PAIP2B: variants seen among roughly 807,000 people sequenced by gnomAD.
PAIP2B encodes the protein poly(A) binding protein interacting protein 2B, also known as polyadenylate-binding protein-interacting protein 2B.
In PAIP2B, 13 loss-of-function variants were observed where a neutral mutation model predicts 17.0. That is an observed-to-expected ratio of 0.76 (90% CI 0.50 to 1.22). The LOEUF is 1.22. Among genes scored for constraint, PAIP2B ranks in the 50% most tolerant of loss-of-function variants. The pLI is 0.00. For synonymous variants in PAIP2B, 43 were observed against 48.7 expected, an observed-to-expected ratio of 0.88 and a Z score of 0.48; for missense variants, 117 against 144.5, an observed-to-expected ratio of 0.81 and a Z score of 0.98.
intron 1 of PAIP2B, among the ~76,000 whole-genome samples, chr2:71,218,211 T>G (rs1336501390): frequency 6.6e-6 from 1 of 152,120 alleles, no homozygotes; most frequent in Non-Finnish European, 1.5e-5. Context: ...ACAAATTACT[T>G]ACTGGGAGAC....
chr2:71,205,787 A>G (rs2103792804), intron 1 of PAIP2B, among the ~76,000 whole-genome samples: 1 of 152,352 alleles, frequency 6.6e-6, no homozygotes, highest in Admixed American at 6.5e-5. Flanking sequence ...AGGACAAAGA[A>G]AATATGCCCA....
intron 1 of PAIP2B, among the ~76,000 whole-genome samples, chr2:71,211,345 C>A (rs1413542342): frequency 6.6e-6 from 1 of 152,042 alleles, no homozygotes; most frequent in Admixed American, 6.5e-5. Context: ...TATAGAATCA[C>A]CTGGAAGTTT....
At chr2:71,215,092 T>G (rs964212336) in intron 1 of PAIP2B, among the ~76,000 whole-genome samples, 5 of 152,142 alleles carry the variant, frequency 3.3e-5, no homozygotes, top group Non-Finnish European at 5.9e-5. Context: ...ATGAATTTAA[T>G]GTTACAAAAA....
chr2:71,193,118 T>C (rs147978604), intron 2 of PAIP2B, among the ~76,000 whole-genome samples: 146 of 152,328 alleles, frequency 9.6e-4, no homozygotes, highest in Admixed American at 1.5e-3. Flanking sequence ...TTTTTTACTT[T>C]TTAGTCATAG....
At chr2:71,214,591 T>C (rs1675381204) in intron 1 of PAIP2B, among the ~76,000 whole-genome samples, 2 of 152,354 alleles carry the variant, frequency 1.3e-5, no homozygotes, top group African/African-American at 2.4e-5. Context: ...ATTTTTCATA[T>C]GTTTTATGTC....
chr2:71,212,488 C>G (rs942238693), intron 1 of PAIP2B, among the ~76,000 whole-genome samples: 1 of 152,190 alleles, frequency 6.6e-6, no homozygotes, highest in African/African-American at 2.4e-5. Context: ...GCAGGAAGCC[C>G]ATGCCCTTAG....
Position 71,184,788 on chromosome 2 carries a change from A to G in PAIP2B, c.*3691T>C, listed in dbSNP as rs551182890. On this transcript the variant is annotated 3_prime_UTR_variant, in exon 4 of 4. Coordinates refer to ENST00000244221, the MANE Select transcript of PAIP2B (RefSeq NM_020459.1). ...CCTGTTCTCCCCACCCACTTCGCAA[A>G]CTAATGACGTCCGCGTTATCCCAGA... is the stretch of plus-strand genomic sequence containing the variant. 55 of 152,264 alleles carry G rather than the reference A, an allele frequency of 3.6e-4. No homozygotes were observed. Among genetic ancestry groups the G allele is most frequent in the African/African-American group, 1.3e-3 (55 of 41,540 alleles). 9.4% of individuals were successfully genotyped at this position (152,264 alleles called of 1,614,324 possible).
At chr2:71,191,354 A>T (rs1420376480) in intron 2 of PAIP2B, among the ~76,000 whole-genome samples, 1 of 151,114 alleles carries the variant, frequency 6.6e-6, no homozygotes, top group African/African-American at 2.4e-5. Flanking sequence ...CACAAGATGT[A>T]ACATGACCAT....
chr2:71,208,983 CCA>C (rs1410131279), intron 1 of PAIP2B, among the ~76,000 whole-genome samples: 2 of 152,092 alleles, frequency 1.3e-5, no homozygotes, highest in Non-Finnish European at 1.5e-5. Context: ...TTTTAAGATA[CCA>C]GTTTGTGGTA....
chr2:71,210,229 C>T (rs1675260545), intron 1 of PAIP2B, among the ~76,000 whole-genome samples: 1 of 152,032 alleles, frequency 6.6e-6, no homozygotes, highest in Non-Finnish European at 1.5e-5. Flanking sequence ...CAGATTTTCT[C>T]CATTATTTGG....
chr2:71,217,017 A>C (rs190422329), intron 1 of PAIP2B, among the ~76,000 whole-genome samples: 2 of 152,362 alleles, frequency 1.3e-5, no homozygotes, highest in African/African-American at 4.8e-5. Context: ...CTAAAGTTTT[A>C]GAAAAGGATC....
chr2:71,213,196 A>T (rs1675344343), intron 1 of PAIP2B, among the ~76,000 whole-genome samples: 1 of 152,206 alleles, frequency 6.6e-6, no homozygotes, highest in South Asian at 2.1e-4. Flanking sequence ...GGAATTATCT[A>T]AACTAGAAGA....
At chr2:71,210,018 G>T (rs1295044524) in intron 1 of PAIP2B, among the ~76,000 whole-genome samples, 1 of 152,110 alleles carries the variant, frequency 6.6e-6, no homozygotes, top group Non-Finnish European at 1.5e-5. Context: ...TAGAGACAGG[G>T]TTTCACTGTG....
intron 2 of PAIP2B, among the ~76,000 whole-genome samples, chr2:71,197,958 C>T (rs1003829699): frequency 2.6e-5 from 4 of 152,214 alleles, no homozygotes; most frequent in Non-Finnish European, 5.9e-5. Flanking sequence ...GACACAGAGC[C>T]AAACCATATC....
chr2:71,204,889 A>G (rs1675085472), intron 1 of PAIP2B, among the ~76,000 whole-genome samples: 1 of 152,200 alleles, frequency 6.6e-6, no homozygotes. Context: ...AAGATTTGGC[A>G]GTTGTTTGCA....
chr2:71,205,067 A>G (rs191913601), intron 1 of PAIP2B, among the ~76,000 whole-genome samples: 34 of 152,300 alleles, frequency 2.2e-4, no homozygotes, highest in Admixed American at 1.3e-3. Flanking sequence ...AAGAAAGAAA[A>G]AAAAAACCCT....
rs1433177815 is a variant in PAIP2B at position 71,186,108 on chromosome 2, G to T, written c.*2371C>A. The T allele has an allele frequency of 6.6e-6, 1 of 152,166 alleles. No homozygotes were observed. Among genetic ancestry groups the T allele is most frequent in the Non-Finnish European group, 1.5e-5 (1 of 68,028 alleles). 9.4% of individuals were successfully genotyped at this position (152,166 alleles called of 1,614,324 possible). On this transcript the variant is annotated 3_prime_UTR_variant, in exon 4 of 4. Coordinates refer to ENST00000244221, the MANE Select transcript of PAIP2B (RefSeq NM_020459.1). Reference sequence around the variant, plus strand: ...TAAAGGTGTCCAGTCTGGCTTGCTGGTTCTTCTTCTGTGAGAAAAGTCACT... The same window carrying T: ...TAAAGGTGTCCAGTCTGGCTTGCTGTTTCTTCTTCTGTGAGAAAAGTCACT...
In PAIP2B at chr2:71,212,473, C is replaced by T. The variant is rs377001715; in HGVS notation, c.-11-9873G>A. ...GAACGCTGTATTCTAAATCTCATTT[C>T]CTCAGCAGGAAGCCCATGCCCTTAG... On this transcript the variant is annotated intron_variant, in intron 1 of 3. Coordinates refer to ENST00000244221, the MANE Select transcript of PAIP2B (RefSeq NM_020459.1). Among the ~76,000 whole-genome samples, 54 of 152,300 alleles carry T rather than the reference C, an allele frequency of 3.5e-4. 1 individual carries two copies. The highest frequency in any genetic ancestry group is 1.3e-3 in the African/African-American group (53 of 41,560).
chr2:71,226,468 G>A lies in PAIP2B; in HGVS notation c.-12+460C>T, dbSNP rs1258091496. Among the ~76,000 whole-genome samples the A allele has an allele frequency of 5.3e-5, 8 of 152,340 alleles. No individual in the cohort carries two copies. In the South Asian group the frequency reaches 1.7e-3, roughly 32 times the overall value. The stretch of plus-strand genomic sequence containing the variant: ...ATAAAAAGGCAGAGGACGCGCAGGG[G>A]CCGCGAATAGGGGAAGGGCACGACG... On this transcript the variant is annotated intron_variant, in intron 1 of 3. Coordinates refer to ENST00000244221, the MANE Select transcript of PAIP2B (RefSeq NM_020459.1).
Sources: gnomAD v4.1 joint callset for allele counts (sites outside exome capture counted in the v4.1 genomes callset) on GRCh38, gnomAD v4.1.1 for gene constraint, MANE v1.5 for transcripts, NCBI Gene and HGNC (gene_info 2026-07-23, HGNC 2026-07-21) for gene names.